PIERCE1: variants seen among roughly 807,000 people sequenced by gnomAD.
PIERCE1 encodes the protein piercer of microtubule wall 1.
the PIERCE1 span, among the ~76,000 whole-genome samples, chr9:135,497,632 C>T: frequency 1.3e-5 from 2 of 151,994 alleles, no homozygotes; most frequent in Non-Finnish European, 2.9e-5. Context: ...ATTACGTTGC[C>T]CAGGCTGGTC....
At chr9:135,497,223 AAGG>A in the PIERCE1 span, among the ~76,000 whole-genome samples, 5 of 152,172 alleles carry the variant, frequency 3.3e-5, no homozygotes, top group Non-Finnish European at 5.9e-5. Flanking sequence ...GGTGGATAAG[AAGG>A]AGGAGAACCT....
the PIERCE1 span, among the ~76,000 whole-genome samples, chr9:135,497,561 AG>A: frequency 7.2e-5 from 11 of 152,212 alleles, no homozygotes; most frequent in East Asian, 1.9e-3. Context: ...CTGGGACTAC[AG>A]GTGCATGCCA....
At chr9:135,495,653 A>C in the PIERCE1 span, 1 of 1,511,462 alleles carries the variant, frequency 6.6e-7, no homozygotes, top group Non-Finnish European at 9.1e-7. Flanking sequence ...ATGACGTATA[A>C]TACTCTTGAG....
chr9:135,499,789 C>T, the PIERCE1 span: 3 of 1,604,586 alleles, frequency 1.9e-6, no homozygotes, highest in South Asian at 1.1e-5. Context: ...TGGTCCTCTC[C>T]GGCGGGGCCG....
chr9:135,495,247 G>T, the PIERCE1 span: 1 of 595,932 alleles, frequency 1.7e-6, no homozygotes, highest in Non-Finnish European at 2.9e-6. Flanking sequence ...CTTATTAGAT[G>T]TGAAATGGCA....
the PIERCE1 span, chr9:135,498,766 G>A: frequency 1.8e-6 from 2 of 1,083,294 alleles, no homozygotes; most frequent in South Asian, 2.6e-5. This position sits in a 1 kb window ranked among gnomAD's most constrained non-coding sequence, Gnocchi z 4.1. Flanking sequence ...TGCCCCCATG[G>A]AAAGAGCAAT....
chr9:135,496,620 G>A, the PIERCE1 span, among the ~76,000 whole-genome samples: 2 of 152,138 alleles, frequency 1.3e-5, no homozygotes, highest in African/African-American at 4.8e-5. Context: ...ACCTCCCTCA[G>A]CAAACACAGT....
chr9:135,498,376 T>G, the PIERCE1 span, among the ~76,000 whole-genome samples: 2 of 152,034 alleles, frequency 1.3e-5, no homozygotes, highest in Non-Finnish European at 2.9e-5. This position sits in a 1 kb window ranked among gnomAD's most constrained non-coding sequence, Gnocchi z 4.1. Context: ...ACTCCCAAAT[T>G]CATTCACTCA....
chr9:135,498,519 G>GT, the PIERCE1 span: 1 of 1,439,482 alleles, frequency 6.9e-7, no homozygotes. The surrounding 1 kb of genome is among the most constrained non-coding windows in gnomAD (Gnocchi z 4.1). Context: ...AGAACCCCAG[G>GT]TTTTTAGCCT....
chr9:135,498,427 C>A, the PIERCE1 span, among the ~76,000 whole-genome samples: 1 of 152,118 alleles, frequency 6.6e-6, no homozygotes, highest in Non-Finnish European at 1.5e-5. The surrounding 1 kb of genome is among the most constrained non-coding windows in gnomAD (Gnocchi z 4.1). Context: ...ATTTTGGGAA[C>A]CTCCCTCCTC....
chr9:135,498,790 T>C, the PIERCE1 span: 1 of 844,540 alleles, frequency 1.2e-6, no homozygotes, highest in Non-Finnish European at 1.9e-6. The surrounding 1 kb of genome is among the most constrained non-coding windows in gnomAD (Gnocchi z 4.1). Flanking sequence ...CCCGGGCTGG[T>C]GATGTGGCCT....
At chr9:135,495,739 C>T in the PIERCE1 span, 1 of 843,528 alleles carries the variant, frequency 1.2e-6, no homozygotes, top group Non-Finnish European at 1.8e-6. Context: ...GGTAGGATGG[C>T]CTGGCTCACC....
chr9:135,495,725 A>C, the PIERCE1 span: 1 of 1,061,062 alleles, frequency 9.4e-7, no homozygotes, highest in East Asian at 2.6e-5. Context: ...GAGAAGCCAG[A>C]GTGGGTAGGA....
the PIERCE1 span, chr9:135,499,508 T>A: frequency 1.3e-6 from 1 of 770,986 alleles, no homozygotes. Context: ...TGCCCCCCAC[T>A]GCCCTTATCC....
At chr9:135,497,247 T>C in the PIERCE1 span, among the ~76,000 whole-genome samples, 5 of 152,198 alleles carry the variant, frequency 3.3e-5, no homozygotes, top group Non-Finnish European at 5.9e-5. Flanking sequence ...CCTTGGAAAC[T>C]TGTCAGTAGT....
At chr9:135,498,900 G>C in the PIERCE1 span, 1 of 526,522 alleles carries the variant, frequency 1.9e-6, no homozygotes. The surrounding 1 kb of genome is among the most constrained non-coding windows in gnomAD (Gnocchi z 4.1). Flanking sequence ...TCCAAGGCAG[G>C]CCAAAGCCCT....
chr9:135,499,065 C>G, the PIERCE1 span: 1 of 269,548 alleles, frequency 3.7e-6, no homozygotes, highest in Non-Finnish European at 7.2e-6. Context: ...CCCACCCTCA[C>G]TGAGGCTATG....
chr9:135,495,884 C>T, the PIERCE1 span, among the ~76,000 whole-genome samples: 3 of 152,186 alleles, frequency 2.0e-5, no homozygotes, highest in Non-Finnish European at 2.9e-5. Context: ...CTGTGAGCAT[C>T]GCCTTGGGGG....
chr9:135,498,663 C>G, the PIERCE1 span: 1 of 1,613,654 alleles, frequency 6.2e-7, no homozygotes, highest in Non-Finnish European at 8.5e-7. This position sits in a 1 kb window ranked among gnomAD's most constrained non-coding sequence, Gnocchi z 4.1. Context: ...CCTTCTGGGT[C>G]CTGGTAGATG....
Sources: allele counts gnomAD v4.1 joint callset (sites outside exome capture counted in the v4.1 genomes callset), GRCh38; gene constraint gnomAD v4.1.1; non-coding constraint Gnocchi (gnomAD v3.1); transcripts MANE v1.5; gene names NCBI Gene and HGNC (gene_info 2026-07-23, HGNC 2026-07-21).